The following IRAK1BP1 variants were observed in gnomAD, a reference collection of about 807,000 sequenced individuals.
The protein encoded by IRAK1BP1 is interleukin-1 receptor-associated kinase 1-binding protein 1.
In IRAK1BP1, 24 loss-of-function variants were observed where a neutral mutation model predicts 28.0. That is an observed-to-expected ratio of 0.86 (90% CI 0.62 to 1.20). The LOEUF (loss-of-function observed/expected upper bound fraction) is 1.20, where lower values mean the gene tolerates loss of function less well. Among genes scored for constraint, IRAK1BP1 ranks in the 50% most tolerant of loss-of-function variants. The pLI, the probability that IRAK1BP1 is intolerant of heterozygous loss-of-function variation, is 0.00. For missense variants in IRAK1BP1, 336 were observed against 316.7 expected (o/e 1.06, Z -0.46); for synonymous variants, 131 against 116.3 (o/e 1.13, Z -0.81).
downstream of IRAK1BP1, among the ~76,000 whole-genome samples, chr6:78,907,252 AT>A (rs1002967485): frequency 6.6e-5 from 10 of 152,166 alleles, no homozygotes; most frequent in Non-Finnish European, 1.0e-4. Flanking sequence ...ACTAATTTTT[AT>A]TTTTTGGTAT....
intron 1 of IRAK1BP1, among the ~76,000 whole-genome samples, chr6:78,874,490 C>G (rs1339519892): frequency 6.6e-6 from 1 of 152,124 alleles, no homozygotes; most frequent in Non-Finnish European, 1.5e-5. Context: ...TCATTTGATC[C>G]TTGTTACGGT....
At chr6:78,973,062 A>G in the IRAK1BP1 span, among the ~76,000 whole-genome samples, 2 of 152,154 alleles carry the variant, frequency 1.3e-5, no homozygotes, top group Non-Finnish European at 2.9e-5. Flanking sequence ...AGCAACTCCA[A>G]GACACATAAT....
chr6:78,970,333 G>A, the IRAK1BP1 span, among the ~76,000 whole-genome samples: 2 of 151,952 alleles, frequency 1.3e-5, no homozygotes, highest in Non-Finnish European at 2.9e-5. Context: ...TAAGATTTGT[G>A]CACTTTATAG....
At chr6:78,869,705 C>G (rs988177384) in intron 1 of IRAK1BP1, among the ~76,000 whole-genome samples, 1 of 152,164 alleles carries the variant, frequency 6.6e-6, no homozygotes, top group Non-Finnish European at 1.5e-5. Context: ...AATTATGGGT[C>G]TTCACAAAGT....
intron 4 of IRAK1BP1, chr6:78,940,548 G>GTTTTT (rs36155238): frequency 0.07 from 5,763 of 82,678 alleles, 1,322 homozygotes; most frequent in South Asian, 0.1. Flanking sequence ...TCGTAAGTTT[G>GTTTTT]TTTTTTTTTT....
rs370888320 is a variant in IRAK1BP1 at position 78,898,102 on chromosome 6, G to A, written c.551G>A (p.Arg184His). The change falls in exon 4 of 4, where the codon CGC becomes CAC. Residue 184 changes from arginine (R) to histidine (H), a missense_variant. Physicochemically the swap from Arg to His is conservative, Grantham distance 29 (BLOSUM62 0). Coordinates refer to ENST00000369940, the MANE Select transcript of IRAK1BP1 (RefSeq NM_001010844.4). Reference sequence around the variant, plus strand: ...CTTGTTGCTGTTGAGAATGCGTGGCGCAAAGCTCAAGAAGTCTGTAACCTT... The same window carrying A: ...CTTGTTGCTGTTGAGAATGCGTGGCACAAAGCTCAAGAAGTCTGTAACCTT... ...ACLVAVENAW[R>H]KAQEVCNLVG... The A allele has an allele frequency of 8.7e-6, 14 of 1,612,778 alleles. No homozygotes were observed. Among genetic ancestry groups the A allele is most frequent in the Non-Finnish European group, 1.1e-5 (13 of 1,179,558 alleles).
chr6:78,964,019 T>G, the IRAK1BP1 span, among the ~76,000 whole-genome samples: 1 of 152,196 alleles, frequency 6.6e-6, no homozygotes, highest in Admixed American at 6.5e-5. Flanking sequence ...TCAGTATCAC[T>G]TATTCATTTA....
At chr6:78,885,582 A>T (rs879888109) in intron 2 of IRAK1BP1, 139 bp downstream of exon 2, 9 of 499,734 alleles carry the variant, frequency 1.8e-5, no homozygotes, top group African/African-American at 1.0e-4. Context: ...TCTTGGTGTT[A>T]TATATCTATT....
the IRAK1BP1 span, among the ~76,000 whole-genome samples, chr6:78,966,258 C>T: frequency 6.6e-6 from 1 of 152,286 alleles, no homozygotes; most frequent in East Asian, 1.9e-4. Context: ...TGAAGTGTGA[C>T]TTAACAGTTT....
chr6:78,909,591 C>T (rs1361457186), intron 4 of IRAK1BP1, among the ~76,000 whole-genome samples: 1 of 152,202 alleles, frequency 6.6e-6, no homozygotes, highest in Non-Finnish European at 1.5e-5. Context: ...TAAATCTGAA[C>T]AGCACTGCTG....
chr6:78,949,686 C>CT (rs374657247), downstream of IRAK1BP1, among the ~76,000 whole-genome samples: 89 of 147,384 alleles, frequency 6.0e-4, no homozygotes, highest in South Asian at 3.7e-3. Context: ...CTCTTTTTTA[C>CT]TTTTTTTTTT....
intron 4 of IRAK1BP1, among the ~76,000 whole-genome samples, chr6:78,933,316 T>C (rs1317000172): frequency 1.3e-5 from 2 of 152,206 alleles, no homozygotes; most frequent in East Asian, 1.9e-4. Flanking sequence ...ATGGCTTCTT[T>C]CCTTAAACAT....
At chr6:78,871,529 C>T in intron 1 of IRAK1BP1, 1 of 985,330 alleles carries the variant, frequency 1.0e-6, no homozygotes. Context: ...TACATCATGA[C>T]ACATCAAGGC....
intron 4 of IRAK1BP1, chr6:78,936,237 A>T (rs1006138323): frequency 6.6e-6 from 1 of 151,984 alleles, no homozygotes; most frequent in African/African-American, 2.4e-5. Flanking sequence ...GCATAATCTT[A>T]ATTTGAAAAT....
chr6:78,903,929 A>G (rs1332535169), downstream of IRAK1BP1, among the ~76,000 whole-genome samples: 1 of 152,178 alleles, frequency 6.6e-6, no homozygotes, highest in East Asian at 1.9e-4. Context: ...ATTATTTTTT[A>G]TCTTCCCCTT....
At chr6:78,950,232 AG>A (rs1774066603), downstream of IRAK1BP1, among the ~76,000 whole-genome samples, 1 of 152,244 alleles carries the variant, frequency 6.6e-6, no homozygotes, top group African/African-American at 2.4e-5. Flanking sequence ...TGGAATAAAC[AG>A]CACTTGGTCA....
At chr6:78,945,338 G>T in intron 4 of IRAK1BP1, 1 of 1,613,556 alleles carries the variant, frequency 6.2e-7, no homozygotes, top group Non-Finnish European at 8.5e-7. Context: ...AAGAGTGGAC[G>T]CCTTTGGGAG....
At chr6:78,943,549 T>C (rs1050176449) in intron 4 of IRAK1BP1, among the ~76,000 whole-genome samples, 1 of 152,128 alleles carries the variant, frequency 6.6e-6, no homozygotes, top group Non-Finnish European at 1.5e-5. Context: ...CAAACACTTA[T>C]TATCTTCTGT....
At chr6:78,892,667 A>G (rs1234056696) in intron 2 of IRAK1BP1, among the ~76,000 whole-genome samples, 1 of 152,184 alleles carries the variant, frequency 6.6e-6, no homozygotes, top group African/African-American at 2.4e-5. Context: ...ATAGTCATTA[A>G]AAGTTATTTT....
Sources: gnomAD v4.1 joint callset for allele counts (sites outside exome capture counted in the v4.1 genomes callset) on GRCh38, gnomAD v4.1.1 for gene constraint, MANE v1.5 for transcripts, NCBI Gene and HGNC (gene_info 2026-07-23, HGNC 2026-07-21) for gene names.